Variants in FHIT observed in about 807,000 individuals in gnomAD.
FHIT encodes fragile histidine triad diadenosine triphosphatase, also known as bis(5'-adenosyl)-triphosphatase.
FHIT carries 19 observed loss-of-function variants against 17.9 expected under a neutral mutation model. The ratio of observed to expected loss-of-function variants is 1.06; its 90% CI spans 0.74 to 1.56. The LOEUF is 1.56. Ranked by LOEUF, FHIT falls within the 40% of genes most tolerant of loss-of-function variation. The probability of loss-of-function intolerance (pLI) is 0.00; values close to 1 mark genes in which losing one functional copy is unlikely to be tolerated. For missense variants in FHIT, 248 were observed against 189.2 expected (o/e 1.31, Z -1.82); for synonymous variants, 81 against 69.7 (o/e 1.16, Z -0.81).
intron 8 of FHIT, among the ~76,000 whole-genome samples, chr3:59,817,098 T>C (rs1205864869): frequency 1.3e-5 from 2 of 152,208 alleles, no homozygotes; most frequent in Non-Finnish European, 2.9e-5. Flanking sequence ...TCTTCGTAGA[T>C]AGGAGGTTTA....
chr3:60,464,229 G>C (rs1412432199), intron 5 of FHIT, among the ~76,000 whole-genome samples: 1 of 152,112 alleles, frequency 6.6e-6, no homozygotes, highest in Non-Finnish European at 1.5e-5. Flanking sequence ...AAAAATTGTT[G>C]TGGGTACATA....
At chr3:59,754,576 A>T (rs1024999013) in intron 8 of FHIT, among the ~76,000 whole-genome samples, 12 of 152,190 alleles carry the variant, frequency 7.9e-5, no homozygotes, top group African/African-American at 2.4e-4. Flanking sequence ...CACTTCTGCT[A>T]CTGCCATTGG....
chr3:60,096,181 G>C (rs771812856), intron 5 of FHIT, among the ~76,000 whole-genome samples: 1 of 152,142 alleles, frequency 6.6e-6, no homozygotes, highest in South Asian at 2.1e-4. Flanking sequence ...CCAAGTTCTT[G>C]TCCTGCGCCC....
chr3:60,505,549 A>C (rs955673555), intron 5 of FHIT, among the ~76,000 whole-genome samples: 1 of 152,158 alleles, frequency 6.6e-6, no homozygotes, highest in East Asian at 1.9e-4. Flanking sequence ...ACAGACGCAC[A>C]TTCTCTCTCA....
chr3:60,175,758 C>T (rs1701641261), intron 5 of FHIT, among the ~76,000 whole-genome samples: 1 of 152,076 alleles, frequency 6.6e-6, no homozygotes, highest in South Asian at 2.1e-4. Flanking sequence ...AATCGTTCAC[C>T]AAGTTAGAAG....
At chr3:60,098,036 G>T (rs1426825789) in intron 5 of FHIT, among the ~76,000 whole-genome samples, 1 of 151,862 alleles carries the variant, frequency 6.6e-6, no homozygotes, top group Non-Finnish European at 1.5e-5. Context: ...CCCTGCAAAG[G>T]ACATGAACTG....
chr3:61,111,917 AG>A (rs1359618151), intron 2 of FHIT, among the ~76,000 whole-genome samples: 2 of 152,238 alleles, frequency 1.3e-5, no homozygotes. Context: ...CTCACAAATC[AG>A]TCAACAGTTA....
At chr3:60,865,844 T>A (rs1704135435) in intron 3 of FHIT, among the ~76,000 whole-genome samples, 1 of 152,210 alleles carries the variant, frequency 6.6e-6, no homozygotes, top group South Asian at 2.1e-4. Flanking sequence ...GCTCTACTGC[T>A]GCTTAGAGAA....
chr3:60,796,239 T>C lies in FHIT; in HGVS notation c.-18+25680A>G, dbSNP rs572078446. Among the ~76,000 whole-genome samples, 3 of 152,314 alleles carry C rather than the reference T, an allele frequency of 2.0e-5. No individual in the cohort carries two copies. In the East Asian group the frequency reaches 5.8e-4, roughly 29 times the overall value. On this transcript the variant is annotated intron_variant, in intron 4 of 9. Coordinates refer to ENST00000492590, the MANE Select transcript of FHIT (RefSeq NM_002012.4). ...TTTTAATGGGGACACAGCGAAACCA[T>C]ATCACAAGGAGACAGTATTTGAGCT...
intron 8 of FHIT, among the ~76,000 whole-genome samples, chr3:59,797,518 T>C (rs2106957714): frequency 6.6e-6 from 1 of 152,314 alleles, no homozygotes; most frequent in East Asian, 1.9e-4. Context: ...GATAGGCAAA[T>C]ACATCTAATG....
At chr3:60,491,104 A>G (rs537690377) in intron 5 of FHIT, among the ~76,000 whole-genome samples, 66 of 152,358 alleles carry the variant, frequency 4.3e-4, no homozygotes, top group African/African-American at 1.5e-3. Flanking sequence ...TGAGTTGTGC[A>G]TTAGAAACAG....
intron 2 of FHIT, among the ~76,000 whole-genome samples, chr3:61,194,645 T>G (rs2038805425): frequency 6.6e-6 from 1 of 152,188 alleles, no homozygotes; most frequent in Non-Finnish European, 1.5e-5. Flanking sequence ...GTTCTGGGCA[T>G]TAATGAAGAT....
chr3:60,536,821 C>T (rs767344187), intron 5 of FHIT, 39 bp downstream of exon 5: 12 of 1,565,388 alleles, frequency 7.7e-6, no homozygotes, highest in Middle Eastern at 3.4e-4. Flanking sequence ...GCTCAGAAGA[C>T]TTTTATTTTC....
chr3:60,613,983 T>C (rs1415993418), intron 4 of FHIT, among the ~76,000 whole-genome samples: 3 of 152,006 alleles, frequency 2.0e-5, no homozygotes, highest in African/African-American at 7.2e-5. Flanking sequence ...AAAATAAGCT[T>C]GGCAGAAAAT....
intron 4 of FHIT, among the ~76,000 whole-genome samples, chr3:60,603,677 C>T (rs2856029): frequency 0.88 from 134,245 of 152,108 alleles, 59,339 homozygotes; most frequent in Admixed American, 0.9. Context: ...ATAAATGTAT[C>T]TCTTTCAATG....
At chr3:60,879,283 C>T (rs1326152259) in intron 3 of FHIT, among the ~76,000 whole-genome samples, 6 of 152,200 alleles carry the variant, frequency 3.9e-5, no homozygotes, top group Non-Finnish European at 5.9e-5. Context: ...CTAAGTCATT[C>T]AGGCATCCAC....
At chr3:60,130,286 T>G (rs925230513) in intron 5 of FHIT, among the ~76,000 whole-genome samples, 10 of 152,316 alleles carry the variant, frequency 6.6e-5, no homozygotes, top group South Asian at 6.2e-4. Flanking sequence ...TTGAAACCTT[T>G]CTAATTCTGA....
chr3:60,482,149 A>G (rs2033635591), intron 5 of FHIT, among the ~76,000 whole-genome samples: 1 of 152,222 alleles, frequency 6.6e-6, no homozygotes, highest in Admixed American at 6.5e-5. Flanking sequence ...GTATGCAACC[A>G]ATACAGAAGC....
chr3:59,988,577 C>A (rs943782023), intron 7 of FHIT, among the ~76,000 whole-genome samples: 11 of 151,988 alleles, frequency 7.2e-5, no homozygotes, highest in Non-Finnish European at 1.5e-5. Context: ...GTGTATCTGG[C>A]GCTCCTCTAA....
Sources: gnomAD v4.1 joint callset for allele counts (sites outside exome capture counted in the v4.1 genomes callset) on GRCh38, gnomAD v4.1.1 for gene constraint, MANE v1.5 for transcripts, NCBI Gene and HGNC (gene_info 2026-07-23, HGNC 2026-07-21) for gene names.